ADAMTSL1: variants seen among roughly 807,000 people sequenced by gnomAD.
ADAMTSL1 encodes ADAMTS-like protein 1.
In ADAMTSL1, 126 loss-of-function variants were observed where a neutral mutation model predicts 201.8. The ratio of observed to expected loss-of-function variants is 0.62; its 90% CI spans 0.54 to 0.72. The LOEUF (loss-of-function observed/expected upper bound fraction) is 0.72. Among genes scored for constraint, ADAMTSL1 ranks in the 30% least tolerant of loss-of-function variants. The probability of loss-of-function intolerance (pLI) is 0.00; values close to 1 mark genes in which losing one functional copy is unlikely to be tolerated. For missense variants in ADAMTSL1, 2,679 were observed against 2,277.8 expected (o/e 1.18, Z -3.59); for synonymous variants, 1,121 against 903.4 (o/e 1.24, Z -4.32).
chr9:17,971,899 ACT>A (rs1279778692), intron 1 of ADAMTSL1, among the ~76,000 whole-genome samples: 1 of 151,316 alleles, frequency 6.6e-6, no homozygotes, highest in African/African-American at 2.4e-5. Context: ...ACTAGGTAAG[ACT>A]CTCTCCCTAT....
Position 18,866,842 on chromosome 9 carries a change from C to G in ADAMTSL1, c.4250-20989C>G, listed in dbSNP as rs1280428945. On this transcript the variant is annotated intron_variant, in intron 23 of 28. Coordinates refer to ENST00000380548, the MANE Select transcript of ADAMTSL1 (RefSeq NM_001040272.6). The stretch of plus-strand genomic sequence containing the variant: ...GTCTGACACCATATCCTCTAGAGAC[C>G]AAGGCAAAATGTCTTTAATCTCCTC... Among the ~76,000 whole-genome samples, 5 of 152,274 alleles carry G rather than the reference C, an allele frequency of 3.3e-5. No individual in the cohort carries two copies. The East Asian group carries it at 9.6e-4, about 29-fold the overall frequency.
chr9:18,525,800 T>G (rs1029859633), intron 2 of ADAMTSL1, among the ~76,000 whole-genome samples: 1 of 152,222 alleles, frequency 6.6e-6, no homozygotes, highest in African/African-American at 2.4e-5. Flanking sequence ...AGCACTGTGG[T>G]CAGAGAGACA....
At chr9:18,196,208 C>A (rs1182965524) in intron 2 of ADAMTSL1, among the ~76,000 whole-genome samples, 4 of 152,050 alleles carry the variant, frequency 2.6e-5, no homozygotes, top group Non-Finnish European at 1.5e-5. Context: ...CACTCCTAAA[C>A]AAACTGCTAA....
chr9:18,192,805 C>A (rs1829021296), intron 2 of ADAMTSL1, among the ~76,000 whole-genome samples: 1 of 152,102 alleles, frequency 6.6e-6, no homozygotes, highest in South Asian at 2.1e-4. Context: ...GACTGGCCAA[C>A]TTAGAGTATT....
intron 2 of ADAMTSL1, among the ~76,000 whole-genome samples, chr9:18,241,013 T>C (rs930491515): frequency 6.6e-6 from 1 of 151,724 alleles, no homozygotes; most frequent in African/African-American, 2.4e-5. Flanking sequence ...TTGTGGCTGG[T>C]TTGATCTTCT....
chr9:18,566,132 T>G (rs926785514), intron 3 of ADAMTSL1, among the ~76,000 whole-genome samples: 1 of 152,212 alleles, frequency 6.6e-6, no homozygotes, highest in Non-Finnish European at 1.5e-5. Flanking sequence ...TCTTGTAAAT[T>G]TATTCTCGTA....
chr9:18,841,394 A>T (rs373214226), intron 23 of ADAMTSL1, among the ~76,000 whole-genome samples: 1 of 152,016 alleles, frequency 6.6e-6, no homozygotes, highest in African/African-American at 2.4e-5. Flanking sequence ...AGCCCACTTG[A>T]TCATGGTGGA....
At chr9:18,662,408 A>G (rs1829159966) in intron 9 of ADAMTSL1, among the ~76,000 whole-genome samples, 1 of 152,154 alleles carries the variant, frequency 6.6e-6, no homozygotes, top group African/African-American at 2.4e-5. Context: ...AACGTTCTTA[A>G]CCAATGTGAT....
chr9:18,894,293 GTGATCATAC>G (rs960535747), intron 26 of ADAMTSL1, among the ~76,000 whole-genome samples: 6 of 150,032 alleles, frequency 4.0e-5, no homozygotes, highest in Non-Finnish European at 8.8e-5. Context: ...GCAACGAGCT[GTGATCATAC>G]CACTTTCACT....
chr9:18,332,190 A>T (rs1835056151), intron 2 of ADAMTSL1, among the ~76,000 whole-genome samples: 1 of 152,226 alleles, frequency 6.6e-6, no homozygotes, highest in South Asian at 2.1e-4. Flanking sequence ...CTGTACTTTT[A>T]TACTCTTCAT....
At chr9:18,234,517 T>A (rs1563825429) in intron 2 of ADAMTSL1, among the ~76,000 whole-genome samples, 1 of 152,212 alleles carries the variant, frequency 6.6e-6, no homozygotes, top group East Asian at 1.9e-4. Flanking sequence ...CAAATCTGAG[T>A]GGTTGACATG....
intron 2 of ADAMTSL1, among the ~76,000 whole-genome samples, chr9:18,448,144 G>C (rs774929483): frequency 1.3e-5 from 2 of 152,050 alleles, no homozygotes; most frequent in Non-Finnish European, 2.9e-5. Flanking sequence ...TATACACTTA[G>C]GAATACCCAG....
At chr9:17,960,150 C>T (rs1334774349) in intron 1 of ADAMTSL1, among the ~76,000 whole-genome samples, 3 of 152,114 alleles carry the variant, frequency 2.0e-5, no homozygotes, top group Non-Finnish European at 4.4e-5. Context: ...CATGTTTGGT[C>T]CAGATGGCTG....
At chr9:18,847,635 T>C (rs1283792090) in intron 23 of ADAMTSL1, among the ~76,000 whole-genome samples, 1 of 147,022 alleles carries the variant, frequency 6.8e-6, no homozygotes, top group East Asian at 1.9e-4. Context: ...TGTGTGCTCT[T>C]GAGCCTTCAC....
intron 2 of ADAMTSL1, among the ~76,000 whole-genome samples, chr9:18,260,898 C>A (rs891884039): frequency 6.6e-6 from 1 of 151,878 alleles, no homozygotes; most frequent in South Asian, 2.1e-4. Context: ...TTAAAACACT[C>A]TTCTTTTTTT....
chr9:18,134,343 A>G (rs1428367453), intron 1 of ADAMTSL1, among the ~76,000 whole-genome samples: 1 of 152,172 alleles, frequency 6.6e-6, no homozygotes, highest in African/African-American at 2.4e-5. Context: ...CCACTTGATT[A>G]TTAATATTAT....
At chr9:18,310,108 T>C (rs1305052403) in intron 2 of ADAMTSL1, among the ~76,000 whole-genome samples, 2 of 151,986 alleles carry the variant, frequency 1.3e-5, no homozygotes, top group African/African-American at 2.4e-5. Flanking sequence ...ATTTAATCAA[T>C]GGTGTTAGGA....
intron 1 of ADAMTSL1, among the ~76,000 whole-genome samples, chr9:18,138,622 G>T (rs1378944051): frequency 1.3e-5 from 2 of 152,116 alleles, no homozygotes; most frequent in African/African-American, 4.8e-5. Flanking sequence ...TTTTCGTAGT[G>T]TGACTGTTCT....
At chr9:17,946,460 C>A (rs1052457443) in intron 1 of ADAMTSL1, among the ~76,000 whole-genome samples, 2 of 151,980 alleles carry the variant, frequency 1.3e-5, no homozygotes, top group African/African-American at 4.8e-5. Context: ...TTTGGTTCTC[C>A]GTTTAGAAGA....
Sources: allele counts gnomAD v4.1 joint callset (sites outside exome capture counted in the v4.1 genomes callset), GRCh38; gene constraint gnomAD v4.1.1; transcripts MANE v1.5; gene names NCBI Gene and HGNC (gene_info 2026-07-23, HGNC 2026-07-21).